Variants in KRT6C observed in about 807,000 individuals in gnomAD.
KRT6C encodes the protein keratin, type II cytoskeletal 6C.
A neutral mutation model predicts 49.4 loss-of-function variants in KRT6C; 46 were observed. The observed-to-expected ratio is 0.93, with a 90% CI of 0.74 to 1.19. KRT6C has a LOEUF of 1.19. KRT6C is among the 50% of genes most tolerant of loss of function. The pLI, the probability that KRT6C is intolerant of heterozygous loss-of-function variation, is 0.00. For missense variants in KRT6C, 552 were observed against 737.5 expected (o/e 0.75, Z 2.91); for synonymous variants, 236 against 297.1 (o/e 0.79, Z 2.12).
At position 52,468,662 on chromosome 12, in the gene KRT6C, A is replaced by T. The variant is rs1247463135; in HGVS notation, c.*400T>A. On this transcript the variant is annotated 3_prime_UTR_variant, in exon 9 of 9. Transcript: ENST00000252250. ...CGGGGGTTCACAATACTTTTAACTT[A>T]GGGAGTTTGGGGGCCAATGGAAAAT... 7.6e-6 allele frequency: 2 copies of T among 261,740 alleles called. No individual in the cohort carries two copies. Among genetic ancestry groups the T allele is most frequent in the African/African-American group, 4.4e-5 (2 of 45,442 alleles). The allele number at this position is 261,740 out of a possible 1,614,324, so 16.2% of individuals were successfully genotyped here. A position where few individuals can be genotyped will look rare whatever the true frequency, so the allele number is the denominator to read the frequency against.
At chr12:52,471,352 C>A in intron 4 of KRT6C, 56 bp from the exon 5 acceptor site, 1 of 1,614,194 alleles carries the variant, frequency 6.2e-7, no homozygotes, top group Non-Finnish European at 8.5e-7. Flanking sequence ...CAGAGATACC[C>A]AACCCTATAC....
At chr12:52,471,847 C>T in intron 2 of KRT6C, 115 bp from the exon 3 acceptor site, 1 of 1,419,404 alleles carries the variant, frequency 7.0e-7, no homozygotes, top group Non-Finnish European at 1.0e-6. Context: ...GCTTTCCTGC[C>T]ACAGAGAGCC....
In KRT6C at chr12:52,471,172, T is replaced by C. The variant is rs149881707; in HGVS notation, c.1037A>G (p.Gln346Arg). Residue 346 changes from glutamine (Q) to arginine (R), a missense_variant, in exon 5 of 9, where the codon CAG (glutamine) becomes CGG (arginine). Gln to Arg is a conservative substitution (Grantham distance 43). Transcript: ENST00000252250. ...GGACTCAGCCTCAGCCCGGCTCCTCTGAGCAATCTCCTCGTATTGGGCCTT... is the reference window on the plus strand; with the variant it reads ...GGACTCAGCCTCAGCCCGGCTCCTCCGAGCAATCTCCTCGTATTGGGCCTT... ...EVKAQYEEIA[Q>R]RSRAEAESWY... 1.9e-6 allele frequency: 3 copies of C among 1,614,080 alleles called. No individual in the cohort carries two copies. In the African/African-American group the frequency reaches 4.0e-5, roughly 22 times the overall value.
At position 52,469,755 on chromosome 12, in the gene KRT6C, C is replaced by A. The variant is rs751243643; in HGVS notation, c.1339G>T (p.Glu447Ter). The change falls in exon 7 of 9, where the codon GAG becomes TAG. Residue 447 changes from glutamate to a stop codon, truncating the protein, a stop_gained. Transcript: ENST00000252250. LOFTEE classifies it high-confidence loss of function. Reference sequence around the variant, plus strand: ...TTGACATTCATCAGCTCCTGGTACTCCTTCAGCAGCCGGGCCAGGTCCTGC... The same window carrying A: ...TTGACATTCATCAGCTCCTGGTACTACTTCAGCAGCCGGGCCAGGTCCTGC... ...AKQDLARLLKEYQELMNVKLA... is the reference protein window; with the variant it reads ...AKQDLARLLK The A allele has an allele frequency of 6.2e-7, 1 of 1,614,162 alleles. No homozygotes were observed. Among genetic ancestry groups the A allele is most frequent in the Non-Finnish European group, 8.5e-7 (1 of 1,180,012 alleles).
At position 52,469,031 on chromosome 12, in the gene KRT6C, G is replaced by A; in HGVS notation, c.*31C>T. 1 of 1,613,930 alleles carries A rather than the reference G, an allele frequency of 6.2e-7. No individual in the cohort carries two copies. The highest frequency in any genetic ancestry group is 8.5e-7 in the Non-Finnish European group (1 of 1,179,882). ...CTCTGCAGCCAGAGAAGGGCCTGAG[G>A]ACTGTGGGACCGAGAGCTGGAGGCA... On this transcript the variant is annotated 3_prime_UTR_variant, in exon 9 of 9. Coordinates refer to ENST00000252250, the MANE Select transcript of KRT6C (RefSeq NM_173086.5).
rs534443870 is a variant in KRT6C at position 52,473,495 on chromosome 12, G to A, written c.243C>T (p.Gly81=). ...TGCCTCCGGCTCTGCTGCCATAGCC[G>A]CCACTGATGGCACAGCTGCCCCCTC... The part of the protein sequence containing the change: ...SIGGGSCAIS[G]GYGSRAGGSY... Residue 81 remains glycine (G), a synonymous_variant, in exon 1 of 9, where the codon GGC becomes GGT. Coordinates refer to ENST00000252250, the MANE Select transcript of KRT6C (RefSeq NM_173086.5). 7 of 1,468,078 alleles carry A rather than the reference G, an allele frequency of 4.8e-6. No homozygotes were observed. The highest frequency in any genetic ancestry group is 2.4e-5 in the East Asian group (1 of 42,520). 90.9% of individuals were successfully genotyped at this position (1,468,078 alleles called of 1,614,324 possible).
intron 2 of KRT6C, 92 bp from the exon 3 acceptor site, chr12:52,471,824 A>G (rs1937891020): frequency 2.1e-6 from 3 of 1,452,262 alleles, no homozygotes; most frequent in Non-Finnish European, 2.9e-6. Context: ...TGAATGGAAT[A>G]TATTCTAATT....
Position 52,472,068 on chromosome 12 carries a change from G to T in KRT6C, c.753C>A (p.Asn251Lys). The change falls in exon 2 of 9, where the codon AAC (asparagine) becomes AAA (lysine). Residue 251 changes from asparagine (N) to lysine (K), a missense_variant and splice_region_variant. Physicochemically the swap from Asn to Lys is moderately conservative, Grantham distance 94. Coordinates refer to ENST00000252250, the MANE Select transcript of KRT6C (RefSeq NM_173086.5). ...NMQDLVEDLK[N>K]KYEDEINKRT... is the part of the protein sequence containing the mutation. ...GCTGCAGGAAATGGAGTCCTCACTT[G>T]TTCTTGAGGTCCTCCACCAGGTCCT... The T allele has an allele frequency of 6.3e-7, 1 of 1,594,058 alleles. No homozygotes were observed. The highest frequency in any genetic ancestry group is 8.5e-7 in the Non-Finnish European group (1 of 1,173,762).
At position 52,469,678 on chromosome 12, in the gene KRT6C, C is replaced by T; in HGVS notation, c.1416G>A (p.Glu472=). Residue 472 remains glutamate (E), a synonymous_variant, in exon 7 of 9, where the codon GAG becomes GAA. Coordinates refer to ENST00000252250, the MANE Select transcript of KRT6C (RefSeq NM_173086.5). ...TCGCGTCAGTTACCTACCTGCACTC[C>T]TCGCCCTCCAGCAGCTTGCGGTAGG... ...IATYRKLLEG[E]ECRLNGEGVG... 1.2e-6 allele frequency: 2 copies of T among 1,614,220 alleles called. No individual in the cohort carries two copies. Among genetic ancestry groups the T allele is most frequent in the Non-Finnish European group, 1.7e-6 (2 of 1,180,032 alleles).
At chr12:52,471,078 G>C (rs2121517970) in intron 5 of KRT6C, 54 bp downstream of exon 5, 2 of 1,613,998 alleles carry the variant, frequency 1.2e-6, no homozygotes. Context: ...GCAGTCCTCT[G>C]GTATTCCAGG....
chr12:52,471,943 G>C, intron 2 of KRT6C, 123 bp downstream of exon 2: 1 of 1,137,908 alleles, frequency 8.8e-7, no homozygotes. Flanking sequence ...TTGCAGGTTT[G>C]CTCCTAGGGA....
At chr12:52,471,573 T>C in intron 3 of KRT6C, 57 bp from the exon 4 acceptor site, 3 of 1,563,214 alleles carry the variant, frequency 1.9e-6, no homozygotes, top group East Asian at 4.6e-5. Flanking sequence ...AATCTACCCA[T>C]CTTCTAGTCC....
Position 52,473,750 on chromosome 12 carries a change from T to C in KRT6C, c.-13A>G, listed in dbSNP as rs146462738. On this transcript the variant is annotated 5_prime_UTR_variant, in exon 1 of 9. Coordinates refer to ENST00000252250, the MANE Select transcript of KRT6C (RefSeq NM_173086.5). ...ATGTGCTGGCCATGGTTCCAGGAGA[T>C]GAGAGGGCTGTGGCGAGCGTTGGAG... The C allele has an allele frequency of 1.1e-3, 1,814 of 1,613,860 alleles. 17 individuals are homozygous for C. In the African/African-American group the frequency reaches 0.022, roughly 19 times the overall value.
In KRT6C at chr12:52,469,863, C is replaced by G; in HGVS notation, c.1231G>C (p.Asp411His). The change falls in exon 7 of 9, where the codon GAT (aspartate) becomes CAT (histidine). Residue 411 changes from aspartate (D) to histidine (H), a missense_variant. Transcript: ENST00000252250. ...GCCATCTCCCCACGCTGCTCAGCAT[C>G]AGCAATGGCAGCCTGCAGGCTGGCA... ...QCASLQAAIA[D>H]AEQRGEMALK... 6.2e-7 allele frequency: 1 copy of G among 1,614,126 alleles called. No individual in the cohort carries two copies. The highest frequency in any genetic ancestry group is 8.5e-7 in the Non-Finnish European group (1 of 1,180,014).
rs764294487 is a variant in KRT6C, at chr12:52,470,522, C to G, written c.1186G>C (p.Asp396His). Residue 396 changes from aspartate (D) to histidine (H), a missense_variant, in exon 6 of 9, where the codon GAC becomes CAC. Coordinates refer to ENST00000252250, the MANE Select transcript of KRT6C (RefSeq NM_173086.5). ...CACTGTACCTGCTTCTTGACATGGT[C>G]GATCTCAGATCTCAGCCTCTGGATC... is the stretch of plus-strand genomic sequence containing the variant. Reference protein sequence around the residue: ...RMIQRLRSEIDHVKKQCASLQ... With the variant: ...RMIQRLRSEIHHVKKQCASLQ... 87 of 1,613,988 alleles carry G rather than the reference C, an allele frequency of 5.4e-5. 1 individual carries two copies. The South Asian group carries it at 9.3e-4, about 17-fold the overall frequency.
chr12:52,471,435 C>A lies in KRT6C; in HGVS notation c.898G>T (p.Ala300Ser). The change falls in exon 4 of 9, where the codon GCC (alanine) becomes TCC (serine). Residue 300 changes from alanine (A) to serine (S), a missense_variant. By Grantham distance (99) the Ala-to-Ser change is moderately conservative (BLOSUM62 1). Around this residue, in one of 3 missense-constraint regions of KRT6C, gnomAD observed 425 missense variants for 439.4 expected, o/e 0.97. Coordinates refer to ENST00000252250, the MANE Select transcript of KRT6C (RefSeq NM_173086.5). ...GAGATGCTTACTGCATCATACAAGG[C>A]TCTCAGGAAGTTGATCTCATCTGTG... The part of the protein sequence containing the change: ...TLTDEINFLR[A>S]LYDAELSQMQ... 6.2e-7 allele frequency: 1 copy of A among 1,613,960 alleles called. No homozygotes were observed. Among genetic ancestry groups the A allele is most frequent in the Non-Finnish European group, 8.5e-7 (1 of 1,179,916 alleles).
rs1937874978 is a variant in KRT6C, at chr12:52,471,235, T to C, written c.974A>G (p.Asn325Ser). ...DTSVVLSMDN[N>S]RNLDLDSIIA... Reference sequence around the variant, plus strand: ...GATGCTGTCCAGGTCCAGGTTGCGGTTGTTGTCCATGGATAGCACCACGGA... The same window carrying C: ...GATGCTGTCCAGGTCCAGGTTGCGGCTGTTGTCCATGGATAGCACCACGGA... The change falls in exon 5 of 9, where the codon AAC (asparagine) becomes AGC (serine). Residue 325 changes from asparagine (N) to serine (S), a missense_variant. Asn to Ser is a conservative substitution (Grantham distance 46, BLOSUM62 1). Around this residue, in one of 3 missense-constraint regions of KRT6C, gnomAD observed 425 missense variants for 439.4 expected, o/e 0.97. Transcript: ENST00000252250. The C allele has an allele frequency of 6.2e-7, 1 of 1,614,114 alleles. No homozygotes were observed. The highest frequency in any genetic ancestry group is 8.5e-7 in the Non-Finnish European group (1 of 1,180,012).
At chr12:52,469,921 T>C in intron 6 of KRT6C, 31 bp from the exon 7 acceptor site, 5 of 1,613,334 alleles carry the variant, frequency 3.1e-6, no homozygotes, top group South Asian at 1.1e-5. Flanking sequence ...AAGGAACTTC[T>C]TGTCTGCTCC....
At chr12:52,471,608 G>A in intron 3 of KRT6C, 64 bp downstream of exon 3, 1 of 1,495,376 alleles carries the variant, frequency 6.7e-7, no homozygotes, top group Non-Finnish European at 9.3e-7. Context: ...TCCCAGGGGA[G>A]CGAGGACACA....
Sources: allele counts gnomAD v4.1 joint callset, GRCh38; gene constraint gnomAD v4.1.1; regional missense constraint gnomAD v4.1.1; transcripts MANE v1.5; gene names NCBI Gene and HGNC (gene_info 2026-07-23, HGNC 2026-07-21).